The following PLIN4 variants were observed in gnomAD, a reference collection of about 807,000 sequenced individuals.
PLIN4 encodes perilipin 4, also known as perilipin-4.
A neutral mutation model predicts 52.4 loss-of-function variants in PLIN4; 57 were observed. The observed-to-expected ratio is 1.09, with a 90% confidence interval of 0.88 to 1.36. The LOEUF (loss-of-function observed/expected upper bound fraction) is 1.36, where lower values mean the gene tolerates loss of function less well. PLIN4 is among the 40% of genes most tolerant of loss of function. The pLI is 0.00. For missense variants in PLIN4, 1,757 were observed against 1,770.3 expected (o/e 0.99, Z 0.13); for synonymous variants, 826 against 785.4 (o/e 1.05, Z -0.86).
intron 6 of PLIN4, 66 bp downstream of exon 6, chr19:4,508,702 T>C: frequency 6.8e-7 from 1 of 1,467,892 alleles, no homozygotes; most frequent in Non-Finnish European, 9.1e-7. Flanking sequence ...TGCAGCTGGG[T>C]GAGTCCTGGG....
intron 3 of PLIN4, among the ~76,000 whole-genome samples, chr19:4,517,146 C>G: frequency 6.6e-6 from 1 of 152,198 alleles, no homozygotes; most frequent in South Asian, 2.1e-4. Flanking sequence ...CCTGATCGCC[C>G]AAGCTGAGCC....
chr19:4,511,914 G>GACGGCCCCTTTGGCCACATTC lies in PLIN4; in HGVS notation c.2045_2046insGAATGTGGCCAAAGGGGCCGT (p.Ala682_Gln683insAsnValAlaLysGlyAlaVal). On this transcript the variant is annotated inframe_insertion, in exon 5 of 8. Coordinates refer to ENST00000301286, the MANE Select transcript of PLIN4 (RefSeq NM_001367868.2). Reference sequence around the variant, plus strand: ...TCTTGGCCGTGTCTACACCTGTCTGGGCAGCCCCTTTGGCCACATTCACAG... The same window carrying GACGGCCCCTTTGGCCACATTC: ...TCTTGGCCGTGTCTACACCTGTCTGGACGGCCCCTTTGGCCACATTCGCAGCCCCTTTGGCCACATTCACAG... 6.2e-7 allele frequency: 1 copy of GACGGCCCCTTTGGCCACATTC among 1,604,366 alleles called. No individual in the cohort carries two copies. The highest frequency in any genetic ancestry group is 8.5e-7 in the Non-Finnish European group (1 of 1,173,400).
chr19:4,502,225 C>T lies in PLIN4; in HGVS notation c.*2234G>A, dbSNP rs1254516370. On this transcript the variant is annotated 3_prime_UTR_variant, in exon 8 of 8. Transcript: ENST00000301286. Reference sequence around the variant, plus strand: ...TGAAAAAAGAAATCACTTTTATTGGCTTGGTTTTCTAGCATTGCTGGTGCA... The same window carrying T: ...TGAAAAAAGAAATCACTTTTATTGGTTTGGTTTTCTAGCATTGCTGGTGCA... 9.3e-6 allele frequency: 6 copies of T among 648,314 alleles called. No individual in the cohort carries two copies. Among genetic ancestry groups the T allele is most frequent in the Admixed American group, 7.4e-5 (3 of 40,640 alleles). 40.2% of individuals were successfully genotyped at this position (648,314 alleles called of 1,614,324 possible).
chr19:4,511,946 T>A lies in PLIN4; in HGVS notation c.2014A>T (p.Thr672Ser). ...CCTTTGGCCACATTCACAGCACTGGTCACCCCACTGCCAAAGGTGTTCTTT... is the reference window on the plus strand; with the variant it reads ...CCTTTGGCCACATTCACAGCACTGGACACCCCACTGCCAAAGGTGTTCTTT... Reference protein sequence around the residue: ...GTKNTFGSGVTSAVNVAKGAA... With the variant: ...GTKNTFGSGVSSAVNVAKGAA... The change falls in exon 5 of 8, where the codon ACC becomes TCC. Residue 672 changes from threonine to serine, a missense_variant. This residue lies in a region of PLIN4 where 439 missense variants were observed against 406.4 expected (regional missense o/e 1.08). Transcript: ENST00000301286. The A allele has an allele frequency of 6.2e-7, 1 of 1,602,248 alleles. No individual in the cohort carries two copies. Among genetic ancestry groups the A allele is most frequent in the Non-Finnish European group, 8.5e-7 (1 of 1,173,734 alleles).
At chr19:4,516,568 A>T (rs904021667) in intron 4 of PLIN4, 49 bp downstream of exon 4, 1 of 1,553,568 alleles carries the variant, frequency 6.4e-7, no homozygotes. Context: ...AGGAGGGGGC[A>T]CCCCCAGGGC....
At chr19:4,515,322 T>G (rs1219193551) in intron 4 of PLIN4, among the ~76,000 whole-genome samples, 1 of 151,208 alleles carries the variant, frequency 6.6e-6, no homozygotes, top group African/African-American at 2.4e-5. Flanking sequence ...CAGACTGGAG[T>G]GCAGTGGCGA....
chr19:4,512,402 C>A lies in PLIN4; in HGVS notation c.1558G>T (p.Gly520Cys). 1.2e-6 allele frequency: 2 copies of A among 1,608,592 alleles called. No homozygotes were observed. Among genetic ancestry groups the A allele is most frequent in the Non-Finnish European group, 8.5e-7 (1 of 1,177,762 alleles). Residue 520 changes from glycine to cysteine, a missense_variant, in exon 5 of 8, where the codon GGC becomes TGC. This residue lies in a region of PLIN4 where 439 missense variants were observed against 406.4 expected (regional missense o/e 1.08). Transcript: ENST00000301286. ...VNVAKGTVQT[G>C]VDTTKTVLTG... ...AGGACAGTCTTGGTGGTGTCTACGC[C>A]GGTCTGGACGGTCCCTTTGGCCACG...
chr19:4,514,880 TAA>T (rs74173009), intron 4 of PLIN4, among the ~76,000 whole-genome samples: 1 of 140,768 alleles, frequency 7.1e-6, no homozygotes. Context: ...ACCCCATCTT[TAA>T]AAAAAAAAAC....
chr19:4,510,647 G>C lies in PLIN4; in HGVS notation c.3313C>G (p.Pro1105Ala), dbSNP rs1415753402. The C allele has an allele frequency of 1.3e-6, 2 of 1,506,944 alleles. No homozygotes were observed. Among genetic ancestry groups the C allele is most frequent in the South Asian group, 1.3e-5 (1 of 74,196 alleles). The allele number at this position is 1,506,944 out of a possible 1,614,324, so 93.3% of individuals were successfully genotyped here. ...PPDVLSVGPEPAWEAAATTKG... is the reference protein window; with the variant it reads ...PPDVLSVGPEAAWEAAATTKG... ...GTAGTGGCTGCGGCTTCCCAGGCAG[G>C]CTCCGGGCCTACACTGAGCACATCC... The change falls in exon 5 of 8, where the codon CCT becomes GCT. Residue 1105 changes from proline to alanine, a missense_variant. Pro to Ala is a conservative substitution (Grantham distance 27). Coordinates refer to ENST00000301286, the MANE Select transcript of PLIN4 (RefSeq NM_001367868.2).
chr19:4,518,096 G>A (rs866211697), intron 2 of PLIN4, 126 bp downstream of exon 2: 14 of 830,386 alleles, frequency 1.7e-5, no homozygotes, highest in African/African-American at 3.6e-5. Context: ...CTCCCAGACC[G>A]CCCCCACCAG....
At chr19:4,515,124 C>T (rs1039459887) in intron 4 of PLIN4, among the ~76,000 whole-genome samples, 5 of 150,824 alleles carry the variant, frequency 3.3e-5, no homozygotes, top group Admixed American at 1.3e-4. Context: ...TGCAGTGAGC[C>T]GAGATCGTGC....
At chr19:4,509,286 G>C (rs1599739802) in intron 5 of PLIN4, among the ~76,000 whole-genome samples, 1 of 39,506 alleles carries the variant, frequency 2.5e-5, no homozygotes, top group Non-Finnish European at 6.1e-5. Flanking sequence ...ACTCCAGCCT[G>C]GGTAAGAGTG....
At chr19:4,507,359 C>G (rs551424181) in intron 6 of PLIN4, among the ~76,000 whole-genome samples, 7 of 152,172 alleles carry the variant, frequency 4.6e-5, no homozygotes, top group Non-Finnish European at 8.8e-5. Context: ...ATCGCGGGAG[C>G]GCAGAAGCTC....
At chr19:4,509,740 G>A (rs1168456529) in intron 5 of PLIN4, among the ~76,000 whole-genome samples, 2 of 152,020 alleles carry the variant, frequency 1.3e-5, no homozygotes, top group Non-Finnish European at 2.9e-5. Flanking sequence ...AGGAGTTTGA[G>A]ACCAGCCTGG....
Position 4,517,613 on chromosome 19 carries a change from C to G in PLIN4, c.137G>C (p.Arg46Pro), listed in dbSNP as rs775256852. The G allele has an allele frequency of 2.5e-6, 4 of 1,610,228 alleles. No homozygotes were observed. The highest frequency in any genetic ancestry group is 1.7e-5 in the Admixed American group (1 of 59,802). ...VANAHSSARA[R>P]PAADPTGAPA... ...CGCTCCTGTGGGGTCAGCGGCCGGC[C>G]GGGCTCTCGCCGAGCTATGTGCGTT... Residue 46 changes from arginine (R) to proline (P), a missense_variant, in exon 3 of 8, where the codon CGG becomes CCG. Transcript: ENST00000301286.
intron 4 of PLIN4, among the ~76,000 whole-genome samples, chr19:4,514,788 C>T (rs1283588979): frequency 6.6e-6 from 1 of 151,616 alleles, no homozygotes; most frequent in Admixed American, 6.6e-5. Flanking sequence ...TGGCTCATGC[C>T]TATAATCCCA....
Position 4,512,357 on chromosome 19 carries a change from C to T in PLIN4, c.1603G>A (p.Val535Ile), listed in dbSNP as rs201981653. Residue 535 changes from valine to isoleucine, a missense_variant, in exon 5 of 8, where the codon GTC (valine) becomes ATC (isoleucine). By Grantham distance (29) the Val-to-Ile change is conservative. Coordinates refer to ENST00000301286, the MANE Select transcript of PLIN4 (RefSeq NM_001367868.2). ...ACAGCACTGGTCACCCCACTGCAGA[C>T]GGTGTCCTTGGTGCCGGTTAGGACA... Reference protein sequence around the residue: ...KTVLTGTKDTVCSGVTSAVNV... With the variant: ...KTVLTGTKDTICSGVTSAVNV... 131 of 1,603,598 alleles carry T rather than the reference C, an allele frequency of 8.2e-5. 2 individuals carry two copies. Among genetic ancestry groups the T allele is most frequent in the African/African-American group, 4.5e-4 (32 of 71,458 alleles).
chr19:4,510,347 C>T (rs1388212503), intron 5 of PLIN4, 99 bp downstream of exon 5: 1 of 1,236,492 alleles, frequency 8.1e-7, no homozygotes, highest in African/African-American at 1.6e-5. Flanking sequence ...GCCTGGGCAA[C>T]AGAGCACGAC....
In PLIN4 at chr19:4,512,275, A is replaced by G. The variant is rs747327570; in HGVS notation, c.1685T>C (p.Ile562Thr). Reference sequence around the variant, plus strand: ...AGTGGACATCGTGTCTTTTGTACCTATGACCACAGACTTGGTGGTGTCCAG... The same window carrying G: ...AGTGGACATCGTGTCTTTTGTACCTGTGACCACAGACTTGGTGGTGTCCAG... ...GGLDTTKSVVIGTKDTMSTGL... is the reference protein window; with the variant it reads ...GGLDTTKSVVTGTKDTMSTGL... Residue 562 changes from isoleucine (I) to threonine (T), a missense_variant, in exon 5 of 8, where the codon ATA becomes ACA. Ile to Thr is a moderately conservative substitution (Grantham distance 89). Transcript: ENST00000301286. The G allele has an allele frequency of 4.4e-6, 7 of 1,588,682 alleles. No homozygotes were observed. In the East Asian group the frequency reaches 9.2e-5, roughly 21 times the overall value.
Sources: allele counts gnomAD v4.1 joint callset (sites outside exome capture counted in the v4.1 genomes callset), GRCh38; gene constraint gnomAD v4.1.1; regional missense constraint gnomAD v4.1.1; transcripts MANE v1.5; gene names NCBI Gene and HGNC (gene_info 2026-07-23, HGNC 2026-07-21).